ENTPD1: variants seen among roughly 807,000 people sequenced by gnomAD.
ENTPD1 encodes the protein ectonucleoside triphosphate diphosphohydrolase 1, also known as ATP diphosphohydrolase.
In ENTPD1, 33 loss-of-function variants were observed where a neutral mutation model predicts 57.0. The observed-to-expected ratio is 0.58, with a 90% CI of 0.44 to 0.77. The LOEUF (loss-of-function observed/expected upper bound fraction) is 0.77. Ranked by LOEUF, ENTPD1 falls within the 30% of genes least tolerant of loss-of-function variation. ENTPD1 has a pLI of 0.00. For synonymous variants in ENTPD1, 202 were observed against 218.8 expected, an observed-to-expected ratio of 0.92 and a Z score of 0.68; for missense variants, 501 against 603.4, an observed-to-expected ratio of 0.83 and a Z score of 1.78.
rs142009672 is a variant in ENTPD1 at position 95,841,307 on chromosome 10, A to T, written c.263-1037A>T. 4.9e-3 allele frequency among the ~76,000 whole-genome samples: 740 copies of T among 152,236 alleles called. 3 individuals are homozygous for T. The highest frequency in any genetic ancestry group is 0.016 in the African/African-American group (679 of 41,534). ...GTGGCTGAGGCAGGAGAATCACTTG[A>T]ACCCGGGAGGCGGAGGTTGCAGTTA... On this transcript the variant is annotated intron_variant, in intron 3 of 9. Coordinates refer to ENST00000371205, the MANE Select transcript of ENTPD1 (RefSeq NM_001776.6).
chr10:95,866,530 C>T lies in ENTPD1; in HGVS notation c.*147C>T, dbSNP rs2141013198. 1 of 1,518,292 alleles carries T rather than the reference C, an allele frequency of 6.6e-7. No individual in the cohort carries two copies. The highest frequency in any genetic ancestry group is 2.1e-5 in the Admixed American group (1 of 48,760). The allele number at this position is 1,518,292 out of a possible 1,614,324, so 94.1% of individuals were successfully genotyped here. On this transcript the variant is annotated 3_prime_UTR_variant, in exon 10 of 10. Transcript: ENST00000371205. Reference sequence around the variant, plus strand: ...AAGCTTCCTTGGCTTTTACTGAAGCCTTTCTTTTGGAGGTATTCAATATCC... The same window carrying T: ...AAGCTTCCTTGGCTTTTACTGAAGCTTTTCTTTTGGAGGTATTCAATATCC...
At position 95,839,786 on chromosome 10, in the gene ENTPD1, A is replaced by G; in HGVS notation, c.240A>G (p.Gln80=). Reference sequence around the variant, plus strand: ...AGAATGACACAGGCGTGGTGCATCAAGTAGAAGAATGCAGGGTTAAAGGTA... The same window carrying G: ...AGAATGACACAGGCGTGGTGCATCAGGTAGAAGAATGCAGGGTTAAAGGTA... ...EKENDTGVVH[Q]VEECRVKGPG... The change falls in exon 3 of 10, where the codon CAA becomes CAG. Residue 80 remains glutamine (Q), a synonymous_variant. Coordinates refer to ENST00000371205, the MANE Select transcript of ENTPD1 (RefSeq NM_001776.6). 2.5e-6 allele frequency: 4 copies of G among 1,614,078 alleles called. No homozygotes were observed. Among genetic ancestry groups the G allele is most frequent in the Non-Finnish European group, 3.4e-6 (4 of 1,179,996 alleles).
intron 1 of ENTPD1, among the ~76,000 whole-genome samples, chr10:95,759,648 TTG>T (rs1273381806): frequency 1.3e-5 from 2 of 152,226 alleles, no homozygotes; most frequent in Admixed American, 6.5e-5. Flanking sequence ...ACAAATATTA[TTG>T]TGTGTCTACC....
At chr10:95,756,691 C>A (rs986414789) in intron 1 of ENTPD1, 1 of 168,482 alleles carries the variant, frequency 5.9e-6, no homozygotes, top group Non-Finnish European at 1.3e-5. Flanking sequence ...GCATGCTTTC[C>A]TGTTGTGAAA....
intron 1 of ENTPD1, among the ~76,000 whole-genome samples, chr10:95,797,311 G>T (rs2098230445): frequency 6.6e-6 from 1 of 152,036 alleles, no homozygotes. Context: ...TGTCCAGTAG[G>T]TGACTAGCAT....
chr10:95,697,529 G>A, the ENTPD1 span, among the ~76,000 whole-genome samples: 1 of 152,136 alleles, frequency 6.6e-6, no homozygotes, highest in African/African-American at 2.4e-5. Context: ...TGAGGTCTCT[G>A]CCTTCATGAA....
chr10:95,732,960 C>T (rs1378788503), intron 1 of ENTPD1, among the ~76,000 whole-genome samples: 3 of 152,128 alleles, frequency 2.0e-5, no homozygotes, highest in Admixed American at 6.6e-5. Flanking sequence ...GTTTCAGGCA[C>T]GCATTGTCAT....
rs1291332335 is a variant in ENTPD1, at chr10:95,872,184, T to A, written c.*5801T>A. ...CCAGGAATGGTGGTGTTGCTTCCAA[T>A]CTGTTGCTGCTAGATTAATCTTTGC... On this transcript the variant is annotated 3_prime_UTR_variant, in exon 10 of 10. Transcript: ENST00000371205. The A allele has an allele frequency of 1.4e-5, 14 of 985,494 alleles. No homozygotes were observed. Among genetic ancestry groups the A allele is most frequent in the Non-Finnish European group, 1.7e-5 (14 of 829,934 alleles). The allele number at this position is 985,494 out of a possible 1,614,324, so 61.0% of individuals were successfully genotyped here.
intron 1 of ENTPD1, among the ~76,000 whole-genome samples, chr10:95,794,095 C>T (rs983845757): frequency 2.6e-5 from 4 of 152,098 alleles, no homozygotes; most frequent in African/African-American, 9.7e-5. Flanking sequence ...TTAGTAAAAA[C>T]ATGTCCAATA....
At chr10:95,805,418 C>T (rs545720558) in intron 1 of ENTPD1, among the ~76,000 whole-genome samples, 1 of 152,270 alleles carries the variant, frequency 6.6e-6, no homozygotes, top group African/African-American at 2.4e-5. Flanking sequence ...GAATATAGCA[C>T]ACTGATGGGT....
intron 7 of ENTPD1, among the ~76,000 whole-genome samples, chr10:95,850,707 C>A (rs1164790867): frequency 6.6e-6 from 1 of 152,202 alleles, no homozygotes; most frequent in East Asian, 1.9e-4. Flanking sequence ...CATACCCCAG[C>A]ACCACCCTTA....
At chr10:95,826,011 ACT>A (rs991100538) in intron 2 of ENTPD1, among the ~76,000 whole-genome samples, 2 of 152,040 alleles carry the variant, frequency 1.3e-5, no homozygotes, top group African/African-American at 4.8e-5. Flanking sequence ...ACAGAGTAAG[ACT>A]CTGTCTCAAA....
chr10:95,707,078 A>G (rs1449799285), upstream of ENTPD1, among the ~76,000 whole-genome samples: 1 of 152,084 alleles, frequency 6.6e-6, no homozygotes, highest in Admixed American at 6.5e-5. Context: ...CCACAGCTAT[A>G]CCTGGGAGCT....
chr10:95,780,173 T>G (rs997265256), intron 1 of ENTPD1, among the ~76,000 whole-genome samples: 2 of 152,204 alleles, frequency 1.3e-5, no homozygotes, highest in African/African-American at 4.8e-5. Context: ...AAACTTTTAT[T>G]TGATAGGTTG....
At chr10:95,730,309 C>T (rs1348850779) in intron 1 of ENTPD1, among the ~76,000 whole-genome samples, 2 of 152,092 alleles carry the variant, frequency 1.3e-5, no homozygotes, top group Non-Finnish European at 2.9e-5. Context: ...CCTGTCTCAG[C>T]CCCCTGAAAT....
chr10:95,828,709 A>AT (rs5787162), intron 2 of ENTPD1, among the ~76,000 whole-genome samples: 22,008 of 132,130 alleles, frequency 0.17, 2,252 homozygotes, highest in South Asian at 0.28. Context: ...GGTTATCCCC[A>AT]TTTTTTTTTT....
chr10:95,841,417 C>T (rs2098422440), intron 3 of ENTPD1, among the ~76,000 whole-genome samples: 1 of 152,040 alleles, frequency 6.6e-6, no homozygotes, highest in Non-Finnish European at 1.5e-5. Context: ...TGTCCTTCTT[C>T]TGAGACTTAT....
chr10:95,738,392 C>T (rs1486658761), intron 1 of ENTPD1, among the ~76,000 whole-genome samples: 1 of 152,142 alleles, frequency 6.6e-6, no homozygotes, highest in Non-Finnish European at 1.5e-5. Context: ...TGAAGTATGG[C>T]AGTAGGCAAA....
chr10:95,704,288 C>T, the ENTPD1 span, among the ~76,000 whole-genome samples: 1 of 152,014 alleles, frequency 6.6e-6, no homozygotes, highest in Non-Finnish European at 1.5e-5. Flanking sequence ...AATTGACATG[C>T]TGATTTCAAA....
Sources: allele counts gnomAD v4.1 joint callset (sites outside exome capture counted in the v4.1 genomes callset), GRCh38; gene constraint gnomAD v4.1.1; transcripts MANE v1.5; gene names NCBI Gene and HGNC (gene_info 2026-07-23, HGNC 2026-07-21).